Variants in CNTN5 observed in about 807,000 individuals in gnomAD.
CNTN5 encodes contactin 5, also known as contactin-5.
Under a neutral mutation model 129.1 loss-of-function variants are expected in CNTN5, and 77 were observed. The ratio of observed to expected loss-of-function variants is 0.60; its 90% CI spans 0.50 to 0.72. The LOEUF is 0.72. Among genes scored for constraint, CNTN5 ranks in the 30% least tolerant of loss-of-function variants. CNTN5 has a pLI of 0.00. For synonymous variants in CNTN5, 509 were observed against 465.6 expected (o/e 1.09, Z -1.20); for missense variants, 1,478 against 1,328.8 (o/e 1.11, Z -1.75).
At chr11:100,236,633 T>A (rs1252312604) in intron 16 of CNTN5, among the ~76,000 whole-genome samples, 1 of 152,120 alleles carries the variant, frequency 6.6e-6, no homozygotes, top group Non-Finnish European at 1.5e-5. Flanking sequence ...TCTGGCTTTG[T>A]GTGTTTCAGT....
intron 3 of CNTN5, among the ~76,000 whole-genome samples, chr11:99,709,576 A>G (rs1422903796): frequency 6.6e-6 from 1 of 151,882 alleles, no homozygotes; most frequent in East Asian, 1.9e-4. Context: ...AGAACAACAG[A>G]TATATTTCTG....
chr11:99,820,529 G>A (rs1434834849), intron 4 of CNTN5, among the ~76,000 whole-genome samples: 1 of 152,306 alleles, frequency 6.6e-6, no homozygotes, highest in Non-Finnish European at 1.5e-5. Flanking sequence ...TCTAGATGTT[G>A]TCTACCTTTG....
intron 6 of CNTN5, among the ~76,000 whole-genome samples, chr11:99,863,771 G>A (rs118101148): frequency 1.1e-4 from 17 of 152,268 alleles, no homozygotes; most frequent in Non-Finnish European, 2.1e-4. Context: ...ATTAAGAAGC[G>A]TTTTCCTACT....
intron 1 of CNTN5, among the ~76,000 whole-genome samples, chr11:99,224,279 T>C (rs1260784124): frequency 1.3e-5 from 2 of 152,208 alleles, no homozygotes; most frequent in African/African-American, 2.4e-5. Flanking sequence ...ACCAGCATTA[T>C]GCAAATGACA....
rs11223200 is a variant in CNTN5 at position 100,204,717 on chromosome 11, T to C, written c.1884+11054T>C. Among the ~76,000 whole-genome samples, 775 of 152,112 alleles carry C rather than the reference T, an allele frequency of 5.1e-3. 23 individuals are homozygous for C. The East Asian group carries it at 0.059, about 12-fold the overall frequency. On this transcript the variant is annotated intron_variant, in intron 15 of 24. Transcript: ENST00000524871. ...CACATAAAAATTTAAGTATTTTTAATGTTGTCCTAAAAGTAATTATTTTCT... is the reference window on the plus strand; with the variant it reads ...CACATAAAAATTTAAGTATTTTTAACGTTGTCCTAAAAGTAATTATTTTCT...
At chr11:99,347,036 T>C (rs61029033) in intron 2 of CNTN5, among the ~76,000 whole-genome samples, 14,759 of 152,244 alleles carry the variant, frequency 0.097, 1,543 homozygotes, top group East Asian at 0.46. Flanking sequence ...CTATGTTGTT[T>C]TGTATGCAAA....
At chr11:100,003,816 G>A (rs1170981582) in intron 9 of CNTN5, 2 of 151,994 alleles carry the variant, frequency 1.3e-5, no homozygotes, top group Admixed American at 6.6e-5. Context: ...TACATAAAAG[G>A]GAGTGTAAAG....
At chr11:100,063,408 TAGAA>T (rs1269797780) in intron 10 of CNTN5, among the ~76,000 whole-genome samples, 1 of 151,944 alleles carries the variant, frequency 6.6e-6, no homozygotes, top group Non-Finnish European at 1.5e-5. Context: ...GATTGTTCCT[TAGAA>T]AGAGAAACTG....
chr11:100,148,696 A>AAATT (rs1342438860), intron 13 of CNTN5, among the ~76,000 whole-genome samples: 2 of 137,930 alleles, frequency 1.5e-5, no homozygotes, highest in African/African-American at 5.7e-5. Flanking sequence ...AAAGTATGAA[A>AAATT]AATTACAGGT....
At chr11:99,794,562 G>C (rs1331715167) in intron 3 of CNTN5, among the ~76,000 whole-genome samples, 1 of 152,044 alleles carries the variant, frequency 6.6e-6, no homozygotes, top group African/African-American at 2.4e-5. Flanking sequence ...TGGCTGTAAT[G>C]GTCTTTCCTT....
chr11:99,661,170 G>T (rs762640627), intron 3 of CNTN5, among the ~76,000 whole-genome samples: 3 of 152,110 alleles, frequency 2.0e-5, no homozygotes, highest in Non-Finnish European at 2.9e-5. Context: ...GATCAGAAAG[G>T]TCAAGCACAC....
chr11:99,223,275 G>A (rs1357923783), intron 1 of CNTN5, among the ~76,000 whole-genome samples: 1 of 152,104 alleles, frequency 6.6e-6, no homozygotes, highest in Non-Finnish European at 1.5e-5. Flanking sequence ...AGAGGATAAT[G>A]GGTCTAAATA....
At chr11:99,765,705 A>G (rs1231013499) in intron 3 of CNTN5, among the ~76,000 whole-genome samples, 1 of 151,312 alleles carries the variant, frequency 6.6e-6, no homozygotes, top group Non-Finnish European at 1.5e-5. Flanking sequence ...AAAGACAACT[A>G]TAGAAGAGTC....
intron 2 of CNTN5, among the ~76,000 whole-genome samples, chr11:99,468,341 G>A (rs1945026800): frequency 6.6e-6 from 1 of 152,118 alleles, no homozygotes; most frequent in Non-Finnish European, 1.5e-5. Context: ...ATATAGCATA[G>A]TATCAACACA....
intron 7 of CNTN5, among the ~76,000 whole-genome samples, chr11:99,950,396 G>A (rs1311384663): frequency 1.3e-5 from 2 of 152,196 alleles, no homozygotes; most frequent in Non-Finnish European, 2.9e-5. Context: ...CAGGAGAATG[G>A]CGTGAACCTG....
intron 16 of CNTN5, among the ~76,000 whole-genome samples, chr11:100,237,133 G>A (rs547928435): frequency 6.8e-6 from 1 of 147,218 alleles, no homozygotes; most frequent in East Asian, 2.0e-4. Flanking sequence ...AGCTTGCAGT[G>A]AGCCGAGATC....
intron 7 of CNTN5, among the ~76,000 whole-genome samples, chr11:99,923,680 C>T (rs60624084): frequency 0.062 from 9,449 of 152,124 alleles, 549 homozygotes; most frequent in East Asian, 0.26. Flanking sequence ...AGCTAATTTG[C>T]ATTCCCATGA....
chr11:99,385,001 A>G (rs1940836334), intron 2 of CNTN5, among the ~76,000 whole-genome samples: 1 of 152,184 alleles, frequency 6.6e-6, no homozygotes, highest in South Asian at 2.1e-4. Context: ...AAATCATTCA[A>G]TTCTCAAAGT....
rs115934896 is a variant in CNTN5 at position 99,516,787 on chromosome 11, T to C, written c.-70-39358T>C. 1.8e-3 allele frequency among the ~76,000 whole-genome samples: 278 copies of C among 152,294 alleles called. 1 individual carries two copies. The highest frequency in any genetic ancestry group is 6.2e-3 in the African/African-American group (256 of 41,572). On this transcript the variant is annotated intron_variant, in intron 2 of 24. Transcript: ENST00000524871. ...AATTCACTATCATGTGTAAAAATGT[T>C]AGTATTAAAAATGTAAGAACTTGTT...
Sources: gnomAD v4.1 joint callset for allele counts (sites outside exome capture counted in the v4.1 genomes callset) on GRCh38, gnomAD v4.1.1 for gene constraint, MANE v1.5 for transcripts, NCBI Gene and HGNC (gene_info 2026-07-23, HGNC 2026-07-21) for gene names.